FREM2: variants seen among roughly 807,000 people sequenced by gnomAD.
The protein encoded by FREM2 is FRAS1 related extracellular matrix 2, also known as FRAS1-related extracellular matrix protein 2.
FREM2 carries 119 observed loss-of-function variants against 219.9 expected under a neutral mutation model. That is an observed-to-expected ratio of 0.54 (90% CI 0.47 to 0.63). The LOEUF (loss-of-function observed/expected upper bound fraction) is 0.63, where lower values mean the gene tolerates loss of function less well. Among genes scored for constraint, FREM2 ranks in the 30% least tolerant of loss-of-function variants. The probability of loss-of-function intolerance (pLI) is 0.00; values close to 1 mark genes in which losing one functional copy is unlikely to be tolerated. For synonymous variants in FREM2, 1,562 were observed against 1,522.8 expected (o/e 1.03, Z -0.60); for missense variants, 4,030 against 3,993.6 (o/e 1.01, Z -0.25).
intron 4 of FREM2, among the ~76,000 whole-genome samples, chr13:38,772,569 T>C (rs865816007): frequency 3.3e-4 from 50 of 152,320 alleles, no homozygotes; most frequent in African/African-American, 1.1e-3. Context: ...ATTCAGTCCC[T>C]TGTAGACATA....
At chr13:38,831,524 A>G (rs1221450613) in intron 6 of FREM2, among the ~76,000 whole-genome samples, 3 of 152,166 alleles carry the variant, frequency 2.0e-5, no homozygotes, top group Non-Finnish European at 4.4e-5. Flanking sequence ...TGAGAAAATT[A>G]TAGTTGACAA....
At position 38,702,125 on chromosome 13, in the gene FREM2, A is replaced by G. The variant is rs141414783; in HGVS notation, c.5263+4338A>G. Among the ~76,000 whole-genome samples, 537 of 152,248 alleles carry G rather than the reference A, an allele frequency of 3.5e-3. 2 individuals are homozygous for G. The highest frequency in any genetic ancestry group is 0.012 in the African/African-American group (510 of 41,554). On this transcript the variant is annotated intron_variant, in intron 2 of 23. Coordinates refer to ENST00000280481, the MANE Select transcript of FREM2 (RefSeq NM_207361.6). Reference sequence around the variant, plus strand: ...CGTTGTTCTATCCTAGCATTAATTTAAATCCCTATGGCACCAGGAAAGTTT... The same window carrying G: ...CGTTGTTCTATCCTAGCATTAATTTGAATCCCTATGGCACCAGGAAAGTTT...
chr13:38,837,580 CTT>C (rs1373694642), intron 6 of FREM2, among the ~76,000 whole-genome samples: 1 of 152,126 alleles, frequency 6.6e-6, no homozygotes, highest in African/African-American at 2.4e-5. Context: ...GTCTAAGTCT[CTT>C]TGTAGGTCTC....
rs535403636 is a variant in FREM2, at chr13:38,887,080, C to T, written c.*6293C>T. On this transcript the variant is annotated 3_prime_UTR_variant, in exon 24 of 24. Coordinates refer to ENST00000280481, the MANE Select transcript of FREM2 (RefSeq NM_207361.6). ...TGTGTTTCATAACTACGCTTGCTTT[C>T]CTTCAAAATATACCAAGTGTGTAAT... 17 of 152,306 alleles carry T rather than the reference C, an allele frequency of 1.1e-4. No individual in the cohort carries two copies. The highest frequency in any genetic ancestry group is 4.1e-4 in the African/African-American group (17 of 41,556). 9.4% of individuals were successfully genotyped at this position (152,306 alleles called of 1,614,324 possible). A position where few individuals can be genotyped will look rare whatever the true frequency, so the allele number is the denominator to read the frequency against.
At chr13:38,743,142 TCTCCTGGC>T (rs2137783032) in intron 2 of FREM2, among the ~76,000 whole-genome samples, 1 of 152,174 alleles carries the variant, frequency 6.6e-6, no homozygotes. Flanking sequence ...AATGTGAGGG[TCTCCTGGC>T]ATCCAAATAT....
chr13:38,851,584 A>G, intron 10 of FREM2, 102 bp from the exon 11 acceptor site: 1 of 903,068 alleles, frequency 1.1e-6, no homozygotes, highest in Non-Finnish European at 1.8e-6. Flanking sequence ...CAGGAGTGTA[A>G]TAGTCATTTA....
intron 16 of FREM2, among the ~76,000 whole-genome samples, chr13:38,871,180 A>G (rs1368352740): frequency 2.0e-5 from 3 of 152,204 alleles, no homozygotes. Flanking sequence ...TAAGAATGAA[A>G]TAACTGGTTT....
intron 6 of FREM2, among the ~76,000 whole-genome samples, chr13:38,846,217 TA>T (rs138940069): frequency 0.14 from 19,882 of 137,678 alleles, 1,394 homozygotes; most frequent in Admixed American, 0.23. Context: ...TTGGCCAAAG[TA>T]AAAAAAAAAA....
rs116017416 is a variant in FREM2, at chr13:38,850,984, T to C, written c.6618T>C (p.Asp2206=). The part of the protein sequence containing the change: ...EKPCILELMD[D]VLYEEVEELR... ...CCTGCATTCTTGAGCTGATGGACGA[T>C]GTGCTCTATGAGGAGGTAGAGGAGC... The change falls in exon 10 of 24, where the codon GAT becomes GAC. Residue 2206 remains aspartate, a synonymous_variant. Transcript: ENST00000280481. 3.7e-6 allele frequency: 6 copies of C among 1,613,516 alleles called. No homozygotes were observed. The African/African-American group carries it at 5.3e-5, about 14-fold the overall frequency.
intron 2 of FREM2, among the ~76,000 whole-genome samples, chr13:38,716,556 A>G (rs898507540): frequency 6.6e-6 from 1 of 151,972 alleles, no homozygotes; most frequent in South Asian, 2.1e-4. Flanking sequence ...TCTGTTGGAC[A>G]AGCTGGAGTG....
chr13:38,878,687 C>A, intron 22 of FREM2, 144 bp from the exon 23 acceptor site: 1 of 880,248 alleles, frequency 1.1e-6, no homozygotes, highest in Non-Finnish European at 1.8e-6. Context: ...AATAGAAAAA[C>A]CAACAAAATG....
At position 38,857,921 on chromosome 13, in the gene FREM2, A is replaced by T. The variant is rs760834204; in HGVS notation, c.7103A>T (p.Asp2368Val). 18 of 1,613,686 alleles carry T rather than the reference A, an allele frequency of 1.1e-5. No homozygotes were observed. In the Admixed American group the frequency reaches 2.7e-4, roughly 24 times the overall value. ...ATAGAAGAAATGAGCAGCATGGCAGATGTCACTTTTCCTTCTGTCCCTCAA... is the reference window on the plus strand; with the variant it reads ...ATAGAAGAAATGAGCAGCATGGCAGTTGTCACTTTTCCTTCTGTCCCTCAA... ...VYIEEMSSMA[D>V]VTFPSVPQIV... The change falls in exon 13 of 24, where the codon GAT becomes GTT. Residue 2368 changes from aspartate to valine, a missense_variant. By Grantham distance (152) the Asp-to-Val change is radical. This residue lies in a region of FREM2 where 928 missense variants were observed against 1,042.9 expected (regional missense o/e 0.89). Coordinates refer to ENST00000280481, the MANE Select transcript of FREM2 (RefSeq NM_207361.6).
intron 2 of FREM2, among the ~76,000 whole-genome samples, chr13:38,711,926 T>C (rs1034834823): frequency 4.7e-5 from 7 of 148,376 alleles, no homozygotes; most frequent in Non-Finnish European, 4.5e-5. Context: ...TTTTTTTTTT[T>C]TTTTTTTTTT....
intron 2 of FREM2, among the ~76,000 whole-genome samples, chr13:38,710,133 G>A (rs1408724151): frequency 6.6e-6 from 1 of 152,002 alleles, no homozygotes; most frequent in East Asian, 1.9e-4. Flanking sequence ...GCAGTGAGCC[G>A]AGATTGCGCG....
intron 4 of FREM2, among the ~76,000 whole-genome samples, chr13:38,781,305 A>C (rs1004544064): frequency 6.6e-6 from 1 of 152,060 alleles, no homozygotes; most frequent in South Asian, 2.1e-4. Context: ...CTACCTTCCA[A>C]TCTCAGCTCA....
intron 2 of FREM2, among the ~76,000 whole-genome samples, chr13:38,761,134 G>A (rs888823299): frequency 2.6e-5 from 4 of 152,142 alleles, no homozygotes; most frequent in African/African-American, 9.7e-5. Flanking sequence ...GGATGTCCTG[G>A]GCAGAAGATA....
intron 4 of FREM2, among the ~76,000 whole-genome samples, chr13:38,777,185 T>G (rs1273074757): frequency 6.6e-6 from 1 of 152,188 alleles, no homozygotes; most frequent in African/African-American, 2.4e-5. Context: ...CATATATATA[T>G]AATTTCTATG....
At chr13:38,754,421 A>G (rs931116237) in intron 2 of FREM2, among the ~76,000 whole-genome samples, 3 of 152,188 alleles carry the variant, frequency 2.0e-5, no homozygotes, top group African/African-American at 7.2e-5. Context: ...AATAGCCTGC[A>G]AATAGGATAT....
intron 4 of FREM2, among the ~76,000 whole-genome samples, chr13:38,776,028 G>A (rs943991138): frequency 4.6e-5 from 7 of 152,152 alleles, no homozygotes; most frequent in Non-Finnish European, 8.8e-5. Flanking sequence ...TGTGGTTTGG[G>A]TATGTTTACA....
Sources: allele counts gnomAD v4.1 joint callset (sites outside exome capture counted in the v4.1 genomes callset), GRCh38; gene constraint gnomAD v4.1.1; regional missense constraint gnomAD v4.1.1; transcripts MANE v1.5; gene names NCBI Gene and HGNC (gene_info 2026-07-23, HGNC 2026-07-21).